Variants in CCDC88A observed in about 807,000 individuals in gnomAD.
CCDC88A encodes girdin.
A neutral mutation model predicts 234.3 loss-of-function variants in CCDC88A; 54 were observed. The ratio of observed to expected loss-of-function variants is 0.23; its 90% CI spans 0.19 to 0.29. The LOEUF (loss-of-function observed/expected upper bound fraction) is 0.29, where lower values mean the gene tolerates loss of function less well. CCDC88A is among the 10% of genes least tolerant of loss of function. The pLI, the probability that CCDC88A is intolerant of heterozygous loss-of-function variation, is 1.00. For missense variants in CCDC88A, 1,832 were observed against 2,123.4 expected (o/e 0.86, Z 2.70); for synonymous variants, 753 against 737.8 (o/e 1.02, Z -0.33).
At chr2:55,390,640 T>G (rs1197214333) in intron 2 of CCDC88A, among the ~76,000 whole-genome samples, 1 of 152,216 alleles carries the variant, frequency 6.6e-6, no homozygotes, top group Admixed American at 6.5e-5. Context: ...CAGCAGGTAA[T>G]GCAAAGCTAG....
Position 55,339,860 on chromosome 2 carries a change from C to G in CCDC88A, c.1334-212G>C, listed in dbSNP as rs1003994757. On this transcript the variant is annotated intron_variant, in intron 12 of 32. Transcript: ENST00000436346. The stretch of plus-strand genomic sequence containing the variant: ...TTTCTTTTTTTTAAAGAGACGGGGT[C>G]TCTCTCTGTCACCCAGGCTGGAGTG... The G allele has an allele frequency of 1.7e-5, 7 of 403,194 alleles. No homozygotes were observed. The Admixed American group carries it at 3.1e-4, about 18-fold the overall frequency. 25.0% of individuals were successfully genotyped at this position (403,194 alleles called of 1,614,324 possible).
chr2:55,309,019 C>T lies in CCDC88A; in HGVS notation c.4177G>A (p.Gly1393Ser). 4.4e-6 allele frequency: 7 copies of T among 1,608,646 alleles called. No individual in the cohort carries two copies. Among genetic ancestry groups the T allele is most frequent in the Non-Finnish European group, 5.1e-6 (6 of 1,175,464 alleles). Residue 1393 changes from glycine (G) to serine (S), a missense_variant, in exon 25 of 33, where the codon GGC becomes AGC. Transcript: ENST00000436346. The surrounding 1 kb of genome is among the most constrained non-coding windows in gnomAD (Gnocchi z 5.1). ...FYDPSPPRRR[G>S]NWITLKMRKL... ...CTCATTTTTAGAGTAATCCAGTTGC[C>T]TCTCCTAACAGAATTTTAAAAATTG...
Position 55,317,404 on chromosome 2 carries a change from A to G in CCDC88A, c.3603-55T>C. The G allele has an allele frequency of 7.6e-7, 1 of 1,312,330 alleles. No individual in the cohort carries two copies. The highest frequency in any genetic ancestry group is 1.0e-6 in the Non-Finnish European group (1 of 986,132). 81.3% of individuals were successfully genotyped at this position (1,312,330 alleles called of 1,614,324 possible). ...ATATTTACAAAAAAGAAATTTTAGA[A>G]ATGAAGGAAATGAGTAATGAGTATC... On this transcript the variant is annotated intron_variant, in intron 20 of 32. Transcript: ENST00000436346. The surrounding 1 kb of genome is among the most constrained non-coding windows in gnomAD (Gnocchi z 4.2).
intron 3 of CCDC88A, among the ~76,000 whole-genome samples, chr2:55,386,523 G>C (rs999284513): frequency 2.7e-5 from 4 of 147,886 alleles, no homozygotes; most frequent in African/African-American, 5.1e-5. Flanking sequence ...CAAGGCTGGA[G>C]TGCAACAGCA....
chr2:55,347,943 T>A (rs778342416), intron 9 of CCDC88A, among the ~76,000 whole-genome samples: 42 of 151,094 alleles, frequency 2.8e-4, no homozygotes, highest in Non-Finnish European at 4.9e-4. Flanking sequence ...GAGTCTAACA[T>A]GGAATGGGTT....
chr2:55,393,232 T>C (rs979943525), intron 2 of CCDC88A, among the ~76,000 whole-genome samples: 12 of 151,414 alleles, frequency 7.9e-5, no homozygotes, highest in African/African-American at 2.7e-4. Context: ...TTCTCTTACA[T>C]TGTCTATTGG....
chr2:55,385,112 C>T (rs1172804845), intron 3 of CCDC88A, among the ~76,000 whole-genome samples: 1 of 152,034 alleles, frequency 6.6e-6, no homozygotes, highest in Admixed American at 6.6e-5. Context: ...CATATCACTG[C>T]CACCCCCACC....
At chr2:55,349,425 T>A in intron 9 of CCDC88A, 93 bp downstream of exon 9, 2 of 892,752 alleles carry the variant, frequency 2.2e-6, no homozygotes, top group Non-Finnish European at 3.6e-6. Context: ...TTTATTTACA[T>A]AAAGCATTGA....
chr2:55,331,262 T>C (rs1348659235), intron 16 of CCDC88A, among the ~76,000 whole-genome samples: 1 of 152,228 alleles, frequency 6.6e-6, no homozygotes, highest in Non-Finnish European at 1.5e-5. Context: ...TCTGCACTTA[T>C]CTGATTAACT....
At chr2:55,415,588 C>G (rs1681229453) in intron 2 of CCDC88A, among the ~76,000 whole-genome samples, 1 of 152,124 alleles carries the variant, frequency 6.6e-6, no homozygotes, top group Non-Finnish European at 1.5e-5. Context: ...GGGGACAGAA[C>G]TGAGTCTGGA....
intron 25 of CCDC88A, among the ~76,000 whole-genome samples, chr2:55,307,667 A>T (rs982584185): frequency 6.6e-6 from 1 of 151,200 alleles, no homozygotes; most frequent in Non-Finnish European, 1.5e-5. Context: ...TTTTTTTTAA[A>T]TAATAGAGAC....
chr2:55,311,076 C>G (rs191810782), intron 23 of CCDC88A, among the ~76,000 whole-genome samples: 103 of 152,256 alleles, frequency 6.8e-4, no homozygotes, highest in African/African-American at 2.2e-3. Flanking sequence ...GTATTAGTCA[C>G]CAAGGGTCAG....
intron 2 of CCDC88A, among the ~76,000 whole-genome samples, chr2:55,406,367 G>A (rs1679573211): frequency 6.6e-6 from 1 of 152,140 alleles, no homozygotes; most frequent in Non-Finnish European, 1.5e-5. Flanking sequence ...TTTTAAACCA[G>A]TCTTGGTAAA....
intron 2 of CCDC88A, among the ~76,000 whole-genome samples, chr2:55,397,714 C>T (rs1341653838): frequency 1.6e-4 from 24 of 151,900 alleles, no homozygotes; most frequent in Non-Finnish European, 1.3e-4. Flanking sequence ...AATGCTTCTT[C>T]TTAAATTTTG....
intron 17 of CCDC88A, among the ~76,000 whole-genome samples, chr2:55,326,399 GTTACTTTAACCC>G (rs969861487): frequency 1.2e-4 from 18 of 151,874 alleles, no homozygotes; most frequent in African/African-American, 4.1e-4. Flanking sequence ...TAATTTAGTG[GTTACTTTAACCC>G]TTATACTATT....
chr2:55,372,394 G>T (rs1574330933), intron 5 of CCDC88A, 58 bp downstream of exon 5: 2 of 845,352 alleles, frequency 2.4e-6, no homozygotes, highest in East Asian at 2.6e-5. Context: ...ACTACAGCCT[G>T]ATAAAAATAT....
chr2:55,381,808 G>T (rs183885720), intron 3 of CCDC88A, among the ~76,000 whole-genome samples: 1 of 152,086 alleles, frequency 6.6e-6, no homozygotes, highest in African/African-American at 2.4e-5. Context: ...TCGCTTTCCT[G>T]AATCACCACA....
rs1558788505 is a variant in CCDC88A at position 55,384,592 on chromosome 2, C to CGTAT, written c.273+4185_273+4186insATAC. ...ATACGTATATATGTGTATATATACA[C>CGTAT]ATATATACGTATATATGTGTATATA... On this transcript the variant is annotated intron_variant, in intron 3 of 32. Coordinates refer to ENST00000436346, the MANE Select transcript of CCDC88A (RefSeq NM_001365480.1). 7.9e-5 allele frequency among the ~76,000 whole-genome samples: 6 copies of CGTAT among 76,224 alleles called. 1 individual carries two copies. Among genetic ancestry groups the CGTAT allele is most frequent in the Admixed American group, 3.1e-4 (2 of 6,514 alleles). 50.0% of individuals were successfully genotyped at this position (76,224 alleles called of 152,430 possible).
chr2:55,385,992 G>C (rs1380796224), intron 3 of CCDC88A, among the ~76,000 whole-genome samples: 1 of 151,760 alleles, frequency 6.6e-6, no homozygotes, highest in African/African-American at 2.4e-5. Flanking sequence ...GGGAGGCCGA[G>C]GCAGGCGGAT....
Sources: gnomAD v4.1 joint callset for allele counts (sites outside exome capture counted in the v4.1 genomes callset) on GRCh38, gnomAD v4.1.1 for gene constraint, Gnocchi (gnomAD v3.1) non-coding constraint, MANE v1.5 for transcripts, NCBI Gene and HGNC (gene_info 2026-07-23, HGNC 2026-07-21) for gene names.